MPP7: variants seen among roughly 807,000 people sequenced by gnomAD.
MPP7 encodes the protein MAGUK p55 subfamily member 7.
Under a neutral mutation model 76.5 loss-of-function variants are expected in MPP7, and 60 were observed. The ratio of observed to expected loss-of-function variants is 0.78; its 90% CI spans 0.64 to 0.97. MPP7 has a LOEUF of 0.97. Ranked by LOEUF, MPP7 falls within the 50% of genes least tolerant of loss-of-function variation. The pLI, the probability that MPP7 is intolerant of heterozygous loss-of-function variation, is 0.00. For synonymous variants in MPP7, 237 were observed against 244.5 expected, an observed-to-expected ratio of 0.97 and a Z score of 0.29; for missense variants, 641 against 694.0, an observed-to-expected ratio of 0.92 and a Z score of 0.86.
Position 28,053,212 on chromosome 10 carries a change from T to C in MPP7, c.*853A>G, listed in dbSNP as rs910496515. The C allele has an allele frequency of 3.9e-5, 6 of 152,322 alleles. No homozygotes were observed. The highest frequency in any genetic ancestry group is 1.4e-4 in the African/African-American group (6 of 41,580). The allele number at this position is 152,322 out of a possible 1,614,324, so 9.4% of individuals were successfully genotyped here. A position where few individuals can be genotyped will look rare whatever the true frequency, so the allele number is the denominator to read the frequency against. ...TTTAGAATAGAAATCCTTCTTCTAATTTATTGGAAAAATCCAAAACCAGCT... is the reference window on the plus strand; with the variant it reads ...TTTAGAATAGAAATCCTTCTTCTAACTTATTGGAAAAATCCAAAACCAGCT... On this transcript the variant is annotated 3_prime_UTR_variant, in exon 17 of 17. Coordinates refer to ENST00000683449, the MANE Select transcript of MPP7 (RefSeq NM_001318170.2).
At chr10:28,135,723 G>GA (rs1835334396) in intron 5 of MPP7, among the ~76,000 whole-genome samples, 1 of 151,912 alleles carries the variant, frequency 6.6e-6, no homozygotes, top group South Asian at 2.1e-4. Flanking sequence ...CTCAATAGTG[G>GA]AAAAAATAAG....
chr10:28,070,636 C>T (rs1381537580), intron 12 of MPP7, among the ~76,000 whole-genome samples: 1 of 152,138 alleles, frequency 6.6e-6, no homozygotes, highest in East Asian at 1.9e-4. Context: ...TTTTCCTGTA[C>T]TATAGACTTC....
intron 1 of MPP7, among the ~76,000 whole-genome samples, chr10:28,256,356 C>G (rs1839786255): frequency 6.7e-6 from 1 of 148,528 alleles, no homozygotes; most frequent in Non-Finnish European, 1.5e-5. Context: ...CCTATTAATT[C>G]TAATATTAAT....
At chr10:28,261,809 G>A (rs1312990471) in intron 1 of MPP7, among the ~76,000 whole-genome samples, 2 of 152,068 alleles carry the variant, frequency 1.3e-5, no homozygotes, top group African/African-American at 4.8e-5. Flanking sequence ...CACTTTGGGA[G>A]GCCGAGGCAG....
chr10:28,280,716 C>A (rs1840643972), intron 1 of MPP7, among the ~76,000 whole-genome samples: 1 of 152,030 alleles, frequency 6.6e-6, no homozygotes, highest in South Asian at 2.1e-4. Context: ...CAGGCTAGGG[C>A]GCAGCCTAGA....
chr10:28,172,789 A>T (rs1836728035), intron 3 of MPP7, among the ~76,000 whole-genome samples: 1 of 152,210 alleles, frequency 6.6e-6, no homozygotes, highest in Admixed American at 6.5e-5. Flanking sequence ...AATTAGTCTT[A>T]TTCTCAATGT....
At chr10:28,281,200 C>A (rs1223851186) in intron 1 of MPP7, among the ~76,000 whole-genome samples, 1 of 151,992 alleles carries the variant, frequency 6.6e-6, no homozygotes, top group Non-Finnish European at 1.5e-5. Context: ...CTGCCTCAGA[C>A]CCCCAAGTAG....
intron 2 of MPP7, among the ~76,000 whole-genome samples, chr10:28,214,482 TC>T: frequency 6.6e-6 from 1 of 152,286 alleles, no homozygotes; most frequent in Non-Finnish European, 1.5e-5. Context: ...AGCTCCCAAG[TC>T]CCCTCCACAC....
chr10:28,216,254 T>C (rs1412253752), intron 2 of MPP7, among the ~76,000 whole-genome samples: 1 of 151,496 alleles, frequency 6.6e-6, no homozygotes, highest in Non-Finnish European at 1.5e-5. Flanking sequence ...GATTTGAGGC[T>C]GCAGTGAGTC....
chr10:28,057,635 T>TTTTTTTTA, intron 15 of MPP7: 12 of 371,690 alleles, frequency 3.2e-5, no homozygotes, highest in South Asian at 1.1e-4. Flanking sequence ...TTTTTTTTTT[T>TTTTTTTTA]AGTAAATTAC....
chr10:28,305,879 T>C (rs1294059991), upstream of MPP7: 1 of 152,234 alleles, frequency 6.6e-6, no homozygotes, highest in East Asian at 1.9e-4. Context: ...TTGTTTCATA[T>C]TATCATCTCC....
intron 2 of MPP7, among the ~76,000 whole-genome samples, chr10:28,320,241 A>G (rs1435627258): frequency 6.6e-6 from 1 of 152,182 alleles, no homozygotes; most frequent in Non-Finnish European, 1.5e-5. Flanking sequence ...CATCATGAAT[A>G]AAAGGTTTGA....
intron 2 of MPP7, among the ~76,000 whole-genome samples, chr10:28,328,530 A>C (rs1676781): frequency 0.16 from 23,433 of 151,044 alleles, 2,070 homozygotes; most frequent in Non-Finnish European, 0.2. Flanking sequence ...GGAGGAAAAA[A>C]GTGCTTCTGT....
chr10:28,162,273 G>A (rs758045413), intron 3 of MPP7, among the ~76,000 whole-genome samples: 1 of 152,066 alleles, frequency 6.6e-6, no homozygotes, highest in African/African-American at 2.4e-5. Context: ...AGTTTCAGAT[G>A]GTGAACTGAG....
At chr10:28,136,374 A>G (rs1266613762) in intron 5 of MPP7, among the ~76,000 whole-genome samples, 2 of 152,016 alleles carry the variant, frequency 1.3e-5, no homozygotes, top group African/African-American at 4.8e-5. Context: ...ACACAAAAAT[A>G]CCCAGCATCC....
At chr10:28,276,495 G>C (rs1840501392) in intron 1 of MPP7, among the ~76,000 whole-genome samples, 1 of 152,062 alleles carries the variant, frequency 6.6e-6, no homozygotes, top group African/African-American at 2.4e-5. Flanking sequence ...ATACAAGGTA[G>C]CAAACAAACA....
intron 2 of MPP7, among the ~76,000 whole-genome samples, chr10:28,317,487 T>C (rs78271387): frequency 0.02 from 3,104 of 152,304 alleles, 50 homozygotes; most frequent in Middle Eastern, 0.085. Context: ...GCTGTGACCA[T>C]ACCATTGCAT....
chr10:28,270,531 A>AGGG (rs1442958094), intron 1 of MPP7, among the ~76,000 whole-genome samples: 2 of 25,342 alleles, frequency 7.9e-5, no homozygotes, highest in South Asian at 3.4e-3. Flanking sequence ...AAAAAAAAAA[A>AGGG]AGGGGGGGGG....
At chr10:28,247,025 T>C (rs978600234) in intron 1 of MPP7, among the ~76,000 whole-genome samples, 2 of 152,220 alleles carry the variant, frequency 1.3e-5, no homozygotes, top group African/African-American at 2.4e-5. Flanking sequence ...GCTACTGAAA[T>C]ACAACATAGC....
Sources: gnomAD v4.1 joint callset for allele counts (sites outside exome capture counted in the v4.1 genomes callset) on GRCh38, gnomAD v4.1.1 for gene constraint, MANE v1.5 for transcripts, NCBI Gene and HGNC (gene_info 2026-07-23, HGNC 2026-07-21) for gene names.